The following PDE4D variants were observed in gnomAD, a reference collection of about 807,000 sequenced individuals.
PDE4D encodes phosphodiesterase 4D, also known as 3',5'-cyclic-AMP phosphodiesterase 4D.
In PDE4D, 24 loss-of-function variants were observed where a neutral mutation model predicts 87.4. The observed-to-expected ratio is 0.27, with a 90% CI of 0.20 to 0.39. The LOEUF is 0.39. PDE4D is among the 10% of genes least tolerant of loss of function. The pLI is 1.00. For synonymous variants in PDE4D, 384 were observed against 383.2 expected (o/e 1.00, Z -0.02); for missense variants, 714 against 1,041.0 (o/e 0.69, Z 4.32).
At chr5:60,037,674 T>C (rs2152864871) in intron 2 of PDE4D, among the ~76,000 whole-genome samples, 1 of 152,308 alleles carries the variant, frequency 6.6e-6, no homozygotes, top group African/African-American at 2.4e-5. Context: ...ATTACCTAAA[T>C]GAGTGTTTTG....
At chr5:60,518,743 C>T (rs1328008801) in intron 1 of PDE4D, among the ~76,000 whole-genome samples, 2 of 152,112 alleles carry the variant, frequency 1.3e-5, no homozygotes, top group Non-Finnish European at 2.9e-5. Context: ...CCAAACTAGT[C>T]TTCATAATGT....
intron 1 of PDE4D, among the ~76,000 whole-genome samples, chr5:60,433,128 A>G (rs1744486532): frequency 1.3e-5 from 2 of 152,222 alleles, no homozygotes; most frequent in Admixed American, 1.3e-4. Context: ...GAAACTATCA[A>G]CAAAGTAAAT....
chr5:60,138,182 C>G (rs1198576289), intron 2 of PDE4D, among the ~76,000 whole-genome samples: 1 of 152,084 alleles, frequency 6.6e-6, no homozygotes, highest in Non-Finnish European at 1.5e-5. Flanking sequence ...GTTTTGGTTA[C>G]TGTATTCCTG....
At chr5:59,459,141 C>A (rs1800363201) in intron 1 of PDE4D, among the ~76,000 whole-genome samples, 2 of 152,128 alleles carry the variant, frequency 1.3e-5, no homozygotes, top group African/African-American at 2.4e-5. Context: ...ACATTTACTC[C>A]ATTTCTAAGT....
rs184648996 is a variant in PDE4D at position 59,382,074 on chromosome 5, A to G, written c.456-166106T>C. On this transcript the variant is annotated intron_variant, in intron 1 of 14. Transcript: ENST00000340635. The stretch of plus-strand genomic sequence containing the variant: ...AGCCTTTCAACCTCTCATTACATGC[A>G]TATTCTTTCCTCTGTTCTTTACAGT... 4.3e-4 allele frequency among the ~76,000 whole-genome samples: 65 copies of G among 152,144 alleles called. 1 individual carries two copies. The highest frequency in any genetic ancestry group is 1.9e-4 in the East Asian group (1 of 5,168).
intron 5 of PDE4D, among the ~76,000 whole-genome samples, chr5:59,114,862 C>T (rs974625044): frequency 2.1e-5 from 3 of 142,260 alleles, no homozygotes; most frequent in Non-Finnish European, 4.5e-5. Context: ...AAGCTAACTT[C>T]AAGGGGGTAG....
chr5:60,252,178 A>G (rs7734400), intron 1 of PDE4D, among the ~76,000 whole-genome samples: 81,808 of 151,700 alleles, frequency 0.54, 22,853 homozygotes, highest in African/African-American at 0.67. Flanking sequence ...GCCTAATGAT[A>G]TATTTCTCAG....
intron 1 of PDE4D, among the ~76,000 whole-genome samples, chr5:59,690,245 G>A (rs187080011): frequency 0.18 from 28,111 of 152,114 alleles, 3,186 homozygotes; most frequent in South Asian, 0.26. Flanking sequence ...AACCAAAAAA[G>A]AGCCCGCATT....
At chr5:59,323,220 T>G (rs2153572490) in intron 1 of PDE4D, among the ~76,000 whole-genome samples, 1 of 152,248 alleles carries the variant, frequency 6.6e-6, no homozygotes, top group Non-Finnish European at 1.5e-5. Context: ...AAAATTTTTT[T>G]CTTTCATGAA....
In PDE4D at chr5:59,612,853, T is replaced by C. The variant is rs555501113; in HGVS notation, c.455+280315A>G. Among the ~76,000 whole-genome samples the C allele has an allele frequency of 1.3e-4, 19 of 151,966 alleles. No homozygotes were observed. In the South Asian group the frequency reaches 3.5e-3, roughly 28 times the overall value. ...AAGCAGGACTTTGCTTGGATAGTTGTGGGAATGGAAGGAGACCAGAGTGAC... is the reference window on the plus strand; with the variant it reads ...AAGCAGGACTTTGCTTGGATAGTTGCGGGAATGGAAGGAGACCAGAGTGAC... On this transcript the variant is annotated intron_variant, in intron 1 of 14. Coordinates refer to ENST00000340635, the MANE Select transcript of PDE4D (RefSeq NM_001104631.2).
chr5:59,366,111 T>A (rs1783012623), intron 1 of PDE4D, among the ~76,000 whole-genome samples: 1 of 152,058 alleles, frequency 6.6e-6, no homozygotes, highest in African/African-American at 2.4e-5. Context: ...CACCTGTGTA[T>A]CTACTGTTTA....
rs549405059 is a variant in PDE4D at position 58,978,284 on chromosome 5, C to T, written c.1553-939G>A. ...AAAAAATTATCTGGGGATGGTAGGGCGTGCCTGTAGTCCCAGCTACTTGGG... is the reference window on the plus strand; with the variant it reads ...AAAAAATTATCTGGGGATGGTAGGGTGTGCCTGTAGTCCCAGCTACTTGGG... On this transcript the variant is annotated intron_variant, in intron 11 of 14. Coordinates refer to ENST00000340635, the MANE Select transcript of PDE4D (RefSeq NM_001104631.2). Among the ~76,000 whole-genome samples, 96 of 125,392 alleles carry T rather than the reference C, an allele frequency of 7.7e-4. 2 individuals are homozygous for T. The highest frequency in any genetic ancestry group is 1.4e-3 in the Non-Finnish European group (78 of 56,312). The allele number at this position is 125,392 out of a possible 152,430, so 82.3% of individuals were successfully genotyped here. A position where few individuals can be genotyped will look rare whatever the true frequency, so the allele number is the denominator to read the frequency against.
chr5:59,664,815 A>G (rs1745802366), intron 1 of PDE4D, among the ~76,000 whole-genome samples: 1 of 152,200 alleles, frequency 6.6e-6, no homozygotes, highest in African/African-American at 2.4e-5. Context: ...AGCTTCTTAA[A>G]TGGCAGAGAA....
At chr5:59,298,660 G>T (rs897763785) in intron 1 of PDE4D, among the ~76,000 whole-genome samples, 1 of 152,166 alleles carries the variant, frequency 6.6e-6, no homozygotes, top group African/African-American at 2.4e-5. Context: ...AGTGGTAATT[G>T]AAAGTGACAT....
intron 1 of PDE4D, among the ~76,000 whole-genome samples, chr5:60,339,080 T>C (rs1420218433): frequency 6.6e-6 from 1 of 152,162 alleles, no homozygotes; most frequent in Non-Finnish European, 1.5e-5. Context: ...CAGATCAAGG[T>C]GCAACAGCAA....
At position 59,337,234 on chromosome 5, in the gene PDE4D, T is replaced by C. The variant is rs74369307; in HGVS notation, c.456-121266A>G. Among the ~76,000 whole-genome samples, 386 of 152,258 alleles carry C rather than the reference T, an allele frequency of 2.5e-3. 1 individual carries two copies. The highest frequency in any genetic ancestry group is 6.8e-3 in the Middle Eastern group (2 of 294). On this transcript the variant is annotated intron_variant, in intron 1 of 14. Coordinates refer to ENST00000340635, the MANE Select transcript of PDE4D (RefSeq NM_001104631.2). ...TCTTTTGTAAACCAAGCTTGCATGC[T>C]TCTTAAATTGTCAATGGTTAGCTTT...
intron 1 of PDE4D, among the ~76,000 whole-genome samples, chr5:60,416,765 C>G (rs1391921136): frequency 3.9e-5 from 6 of 152,210 alleles, no homozygotes; most frequent in Non-Finnish European, 7.3e-5. Context: ...AAATTAATAT[C>G]CAAGACTCTG....
At chr5:59,100,362 A>G (rs1292410369) in intron 5 of PDE4D, among the ~76,000 whole-genome samples, 4 of 152,220 alleles carry the variant, frequency 2.6e-5, no homozygotes, top group Admixed American at 1.3e-4. Flanking sequence ...GACTTTGTAC[A>G]TGTAGTTCCC....
At chr5:59,282,950 G>A (rs959613383) in intron 1 of PDE4D, among the ~76,000 whole-genome samples, 3 of 152,148 alleles carry the variant, frequency 2.0e-5, no homozygotes, top group African/African-American at 7.2e-5. Flanking sequence ...TATTTAGGAA[G>A]GGTATGTAGG....
Sources: allele counts gnomAD v4.1 joint callset (sites outside exome capture counted in the v4.1 genomes callset), GRCh38; gene constraint gnomAD v4.1.1; transcripts MANE v1.5; gene names NCBI Gene and HGNC (gene_info 2026-07-23, HGNC 2026-07-21).